The following PLEKHG3 variants were observed in gnomAD, a reference collection of about 807,000 sequenced individuals.
The protein encoded by PLEKHG3 is pleckstrin homology and RhoGEF domain containing G3.
Under a neutral mutation model 94.9 loss-of-function variants are expected in PLEKHG3, and 62 were observed. The observed-to-expected ratio is 0.65, with a 90% CI of 0.53 to 0.81. PLEKHG3 has a LOEUF of 0.81. Among genes scored for constraint, PLEKHG3 ranks in the 30% least tolerant of loss-of-function variants. PLEKHG3 has a pLI of 0.00. For synonymous variants in PLEKHG3, 614 were observed against 654.0 expected, an observed-to-expected ratio of 0.94 and a Z score of 0.93; for missense variants, 1,461 against 1,619.3, an observed-to-expected ratio of 0.90 and a Z score of 1.68.
rs1016866439 is a variant in PLEKHG3, at chr14:64,727,210, G to A, written c.-39-383G>A. On this transcript the variant is annotated intron_variant, in intron 1 of 16. Coordinates refer to ENST00000247226, the MANE Select transcript of PLEKHG3 (RefSeq NM_001308147.2). The surrounding 1 kb of genome is among the most constrained non-coding windows in gnomAD (Gnocchi z 6.0). ...TGTGCCCCAGCAGTGGGGCTGGGCT[G>A]TGAATTCCTTAGAGGGTACCTGGAC... 1.3e-5 allele frequency among the ~76,000 whole-genome samples: 2 copies of A among 152,140 alleles called. No individual in the cohort carries two copies. The highest frequency in any genetic ancestry group is 4.8e-5 in the African/African-American group (2 of 41,420).
In PLEKHG3 at chr14:64,717,718, C is replaced by G. The variant is rs1488355653; in HGVS notation, c.-39-9875C>G. On this transcript the variant is annotated intron_variant, in intron 1 of 16. Transcript: ENST00000247226. The surrounding 1 kb of genome is among the most constrained non-coding windows in gnomAD (Gnocchi z 4.7). ...TCTTTCTAGCTAATGTTCCCTCGATCTCTCGCTCCTCCTCGAAGCTGTCTC... is the reference window on the plus strand; with the variant it reads ...TCTTTCTAGCTAATGTTCCCTCGATGTCTCGCTCCTCCTCGAAGCTGTCTC... Among the ~76,000 whole-genome samples, 1 of 152,248 alleles carries G rather than the reference C, an allele frequency of 6.6e-6. No individual in the cohort carries two copies. Among genetic ancestry groups the G allele is most frequent in the African/African-American group, 2.4e-5 (1 of 41,460 alleles).
rs1351788889 is a variant in PLEKHG3 at position 64,715,977 on chromosome 14, C to T, written c.-40+11273C>T. 2.2e-6 allele frequency: 1 copy of T among 451,484 alleles called. No homozygotes were observed. The highest frequency in any genetic ancestry group is 2.0e-5 in the African/African-American group (1 of 49,822). 28.0% of individuals were successfully genotyped at this position (451,484 alleles called of 1,614,324 possible). A position where few individuals can be genotyped will look rare whatever the true frequency, so the allele number is the denominator to read the frequency against. ...TAATTCCCGAGGCTGTTGGTGGCAG[C>T]TCGCTGCTCACCCCAAGCCTGTTAA... On this transcript the variant is annotated intron_variant, in intron 1 of 16. Transcript: ENST00000247226. This position sits in a 1 kb window ranked among gnomAD's most constrained non-coding sequence, Gnocchi z 4.4.
chr14:64,708,110 C>A (rs191411657), intron 1 of PLEKHG3, among the ~76,000 whole-genome samples: 1 of 152,020 alleles, frequency 6.6e-6, no homozygotes, highest in East Asian at 1.9e-4. Flanking sequence ...AAATAGAAAA[C>A]CTTGGCAAAA....
At position 64,731,701 on chromosome 14, in the gene PLEKHG3, C is replaced by T. The variant is rs2081469449; in HGVS notation, c.1033-13C>T. 5.0e-6 allele frequency: 8 copies of T among 1,603,508 alleles called. No homozygotes were observed. The highest frequency in any genetic ancestry group is 6.8e-6 in the Non-Finnish European group (8 of 1,170,376). On this transcript the variant is annotated splice_polypyrimidine_tract_variant and intron_variant, in intron 8 of 16. Transcript: ENST00000247226. The surrounding 1 kb of genome is among the most constrained non-coding windows in gnomAD (Gnocchi z 6.1). The stretch of plus-strand genomic sequence containing the variant: ...CAACCTTGTGCTTGACTGTCCTTTC[C>T]CTCTGCCCCTAGTGCTCCTCCCTGA...
rs540704545 is a variant in PLEKHG3 at position 64,716,228 on chromosome 14, GT to G, written c.-39-11360del. On this transcript the variant is annotated intron_variant, in intron 1 of 16. Transcript: ENST00000247226. The surrounding 1 kb of genome is among the most constrained non-coding windows in gnomAD (Gnocchi z 5.0). ...TCACAGGCTTTAGGGTAAAAGGCAG[GT>G]TTTTCCCTTGTGGGTTAGACACTGA... 439 of 357,734 alleles carry G rather than the reference GT, an allele frequency of 1.2e-3. 2 individuals carry two copies. The highest frequency in any genetic ancestry group is 1.8e-3 in the Non-Finnish European group (321 of 179,140). The allele number at this position is 357,734 out of a possible 1,614,324, so 22.2% of individuals were successfully genotyped here.
chr14:64,738,427 A>T lies in PLEKHG3; in HGVS notation c.1405-315A>T, dbSNP rs1332269266. On this transcript the variant is annotated intron_variant, in intron 14 of 16. Coordinates refer to ENST00000247226, the MANE Select transcript of PLEKHG3 (RefSeq NM_001308147.2). This position sits in a 1 kb window ranked among gnomAD's most constrained non-coding sequence, Gnocchi z 4.8. ...CCAGTACTGGGCACTAATCAATATAACGCCCAACAAGCATGACAAGTGGGG... is the reference window on the plus strand; with the variant it reads ...CCAGTACTGGGCACTAATCAATATATCGCCCAACAAGCATGACAAGTGGGG... Among the ~76,000 whole-genome samples the T allele has an allele frequency of 6.6e-6, 1 of 151,960 alleles. No individual in the cohort carries two copies. The highest frequency in any genetic ancestry group is 1.5e-5 in the Non-Finnish European group (1 of 67,942).
Position 64,730,158 on chromosome 14 carries a change from A to G in PLEKHG3, c.450-85A>G. 4.1e-6 allele frequency: 3 copies of G among 735,560 alleles called. No individual in the cohort carries two copies. Among genetic ancestry groups the G allele is most frequent in the Non-Finnish European group, 4.7e-6 (2 of 425,854 alleles). The allele number at this position is 735,560 out of a possible 1,614,324, so 45.6% of individuals were successfully genotyped here. ...AAAGCAATAGGGCTGGCTGTCAGTCAGGGTTTGGGAGGTTGGGGAGGGGGC... is the reference window on the plus strand; with the variant it reads ...AAAGCAATAGGGCTGGCTGTCAGTCGGGGTTTGGGAGGTTGGGGAGGGGGC... On this transcript the variant is annotated intron_variant, in intron 3 of 16. Coordinates refer to ENST00000247226, the MANE Select transcript of PLEKHG3 (RefSeq NM_001308147.2). This position sits in a 1 kb window ranked among gnomAD's most constrained non-coding sequence, Gnocchi z 5.4.
Position 64,749,303 on chromosome 14 carries a change from C to T in PLEKHG3, c.*5600C>T. The T allele has an allele frequency of 6.3e-7, 1 of 1,597,588 alleles. No individual in the cohort carries two copies. The highest frequency in any genetic ancestry group is 8.5e-7 in the Non-Finnish European group (1 of 1,174,208). ...ACTCCGCCGCGCCCGCCAGCCCCACCTGCTACTTCTTTTTGGGGAAGAAGC... is the reference window on the plus strand; with the variant it reads ...ACTCCGCCGCGCCCGCCAGCCCCACTTGCTACTTCTTTTTGGGGAAGAAGC... On this transcript the variant is annotated 3_prime_UTR_variant, in exon 17 of 17. Transcript: ENST00000247226. This position sits in a 1 kb window ranked among gnomAD's most constrained non-coding sequence, Gnocchi z 4.7.
intron 1 of PLEKHG3, among the ~76,000 whole-genome samples, chr14:64,712,623 T>C (rs2081080305): frequency 6.6e-6 from 1 of 152,262 alleles, no homozygotes; most frequent in Admixed American, 6.5e-5. Flanking sequence ...TGCTCATTGC[T>C]AGTGTACAGG....
In PLEKHG3 at chr14:64,741,361, G is replaced by A. The variant is rs750439742; in HGVS notation, c.1844G>A (p.Arg615Gln). 1.1e-5 allele frequency: 17 copies of A among 1,613,370 alleles called. No homozygotes were observed. The highest frequency in any genetic ancestry group is 7.7e-5 in the South Asian group (7 of 91,080). ...GAGCGATTTGTCAGCAGCTTCTCTC[G>A]GCGGAGCAGCGTGGCACAGGAGGAC... ...IAERFVSSFSRRSSVAQEDSK... is the reference protein window; with the variant it reads ...IAERFVSSFSQRSSVAQEDSK... The change falls in exon 16 of 17, where the codon CGG becomes CAG. Residue 615 changes from arginine (R) to glutamine (Q), a missense_variant. By Grantham distance (43) the Arg-to-Gln change is conservative. This residue lies in a region of PLEKHG3 where 1,201 missense variants were observed against 1,295.5 expected (regional missense o/e 0.93). Transcript: ENST00000247226.
chr14:64,743,728 GT>G lies in PLEKHG3; in HGVS notation c.*26del. The G allele has an allele frequency of 6.6e-7, 1 of 1,514,840 alleles. No homozygotes were observed. The allele number at this position is 1,514,840 out of a possible 1,614,324, so 93.8% of individuals were successfully genotyped here. ...ATGCTGACTCCTGGGGGAGGGAGGA[GT>G]CATGTTGGAGGTTGGGGAAGAACCT... On this transcript the variant is annotated 3_prime_UTR_variant, in exon 17 of 17. Transcript: ENST00000247226. This position sits in a 1 kb window ranked among gnomAD's most constrained non-coding sequence, Gnocchi z 7.2.
rs900824443 is a variant in PLEKHG3, at chr14:64,717,810, G to A, written c.-39-9783G>A. 9.2e-5 allele frequency among the ~76,000 whole-genome samples: 14 copies of A among 152,204 alleles called. No homozygotes were observed. Among genetic ancestry groups the A allele is most frequent in the African/African-American group, 2.9e-4 (12 of 41,448 alleles). On this transcript the variant is annotated intron_variant, in intron 1 of 16. Coordinates refer to ENST00000247226, the MANE Select transcript of PLEKHG3 (RefSeq NM_001308147.2). The surrounding 1 kb of genome is among the most constrained non-coding windows in gnomAD (Gnocchi z 4.7). ...ACACTCCCTGGCTCTAGGGACACCT[G>A]CAGCCACAGCCCATATCATGGTTTG...
rs2081303201 is a variant in PLEKHG3 at position 64,723,666 on chromosome 14, A to C, written c.-39-3927A>C. 2 of 151,898 alleles carry C rather than the reference A, an allele frequency of 1.3e-5. No homozygotes were observed. The highest frequency in any genetic ancestry group is 4.8e-5 in the African/African-American group (2 of 41,334). 9.4% of individuals were successfully genotyped at this position (151,898 alleles called of 1,614,324 possible). ...CAGGCACCTGCCACTATGCCCAGCT[A>C]ATTTTTGTATTTTTAGTAGAGATGG... On this transcript the variant is annotated intron_variant, in intron 1 of 16. Coordinates refer to ENST00000247226, the MANE Select transcript of PLEKHG3 (RefSeq NM_001308147.2). The surrounding 1 kb of genome is among the most constrained non-coding windows in gnomAD (Gnocchi z 4.5).
intron 16 of PLEKHG3, 125 bp from the exon 17 acceptor site, chr14:64,742,857 C>T (rs894293667): frequency 1.2e-6 from 1 of 834,676 alleles, no homozygotes; most frequent in Non-Finnish European, 2.0e-6. Flanking sequence ...TGAGATTTCT[C>T]CCATCACACC....
Position 64,730,563 on chromosome 14 carries a change from C to T in PLEKHG3, c.520-79C>T. ...CAGGGGACAGAGGGTGCTCTGGGGGCCAGGGGCCTATCTGCTACCACCATC... is the reference window on the plus strand; with the variant it reads ...CAGGGGACAGAGGGTGCTCTGGGGGTCAGGGGCCTATCTGCTACCACCATC... On this transcript the variant is annotated intron_variant, in intron 4 of 16. Transcript: ENST00000247226. The surrounding 1 kb of genome is among the most constrained non-coding windows in gnomAD (Gnocchi z 5.4). 3 of 1,191,902 alleles carry T rather than the reference C, an allele frequency of 2.5e-6. No homozygotes were observed. Among genetic ancestry groups the T allele is most frequent in the Non-Finnish European group, 3.7e-6 (3 of 802,424 alleles). The allele number at this position is 1,191,902 out of a possible 1,614,324, so 73.8% of individuals were successfully genotyped here. A position where few individuals can be genotyped will look rare whatever the true frequency, so the allele number is the denominator to read the frequency against.
rs1288250391 is a variant in PLEKHG3, at chr14:64,743,096, A to G, written c.3053A>G (p.Asn1018Ser). Residue 1018 changes from asparagine (N) to serine (S), a missense_variant, in exon 17 of 17, where the codon AAC (asparagine) becomes AGC (serine). This residue lies in a region of PLEKHG3 where 1,201 missense variants were observed against 1,295.5 expected (regional missense o/e 0.93). Transcript: ENST00000247226. This position sits in a 1 kb window ranked among gnomAD's most constrained non-coding sequence, Gnocchi z 7.2. Reference protein sequence around the residue: ...GEMSPQRFFFNPSAVSQRTTS... With the variant: ...GEMSPQRFFFSPSAVSQRTTS... ...ATGTCACCACAGCGTTTCTTCTTCA[A>G]CCCGTCTGCTGTCAGCCAGAGGACC... 6 of 1,612,696 alleles carry G rather than the reference A, an allele frequency of 3.7e-6. No individual in the cohort carries two copies. Among genetic ancestry groups the G allele is most frequent in the East Asian group, 2.2e-5 (1 of 44,866 alleles).
Position 64,727,733 on chromosome 14 carries a change from T to C in PLEKHG3, c.102T>C (p.Ser34=), listed in dbSNP as rs1355709479. 6.2e-7 allele frequency: 1 copy of C among 1,611,938 alleles called. No individual in the cohort carries two copies. The change falls in exon 2 of 17, where the codon AGT becomes AGC. Residue 34 remains serine (S), a synonymous_variant. Transcript: ENST00000247226. This position sits in a 1 kb window ranked among gnomAD's most constrained non-coding sequence, Gnocchi z 6.0. ...SSSGSSCDSR[S]AMEEPSSSEA... ...CGGGCTCCTCCTGTGACAGTCGCAG[T>C]GCCATGGAGGAGCCCAGCAGCTCCG...
rs2081862228 is a variant in PLEKHG3 at position 64,747,325 on chromosome 14, G to C, written c.*3622G>C. 6.6e-6 allele frequency: 1 copy of C among 152,656 alleles called. No individual in the cohort carries two copies. The highest frequency in any genetic ancestry group is 2.4e-5 in the African/African-American group (1 of 41,466). 9.5% of individuals were successfully genotyped at this position (152,656 alleles called of 1,614,324 possible). ...TGCTCTCTGCCCCAGAGGAGGACATGCCTGCAAGTGCACCAAAGGCCTACT... is the reference window on the plus strand; with the variant it reads ...TGCTCTCTGCCCCAGAGGAGGACATCCCTGCAAGTGCACCAAAGGCCTACT... On this transcript the variant is annotated 3_prime_UTR_variant, in exon 17 of 17. Transcript: ENST00000247226.
At chr14:64,719,534 G>A (rs2081227602) in intron 1 of PLEKHG3, among the ~76,000 whole-genome samples, 1 of 151,942 alleles carries the variant, frequency 6.6e-6, no homozygotes, top group Admixed American at 6.6e-5. Flanking sequence ...AAAGTGGAGG[G>A]CCTGGAAGTC....
Sources: allele counts gnomAD v4.1 joint callset (sites outside exome capture counted in the v4.1 genomes callset), GRCh38; gene constraint gnomAD v4.1.1; regional missense constraint gnomAD v4.1.1; non-coding constraint Gnocchi (gnomAD v3.1); transcripts MANE v1.5; gene names NCBI Gene and HGNC (gene_info 2026-07-23, HGNC 2026-07-21).